TNS3: variants seen among roughly 807,000 people sequenced by gnomAD.
The protein encoded by TNS3 is tensin 3.
A neutral mutation model predicts 140.9 loss-of-function variants in TNS3; 45 were observed. That is an observed-to-expected ratio of 0.32 (90% CI 0.25 to 0.41). The LOEUF is 0.41. TNS3 is among the 10% of genes least tolerant of loss of function. The pLI is 1.00. For missense variants in TNS3, 1,716 were observed against 1,906.7 expected (o/e 0.90, Z 1.86); for synonymous variants, 815 against 788.4 (o/e 1.03, Z -0.56).
intron 20 of TNS3, among the ~76,000 whole-genome samples, chr7:47,323,218 A>G (rs1402549625): frequency 2.0e-5 from 3 of 152,046 alleles, no homozygotes; most frequent in Non-Finnish European, 4.4e-5. Context: ...TGTTTTCCCT[A>G]TCTTAGTGTC....
At chr7:47,290,388 T>G (rs1785632406) in intron 27 of TNS3, among the ~76,000 whole-genome samples, 1 of 152,178 alleles carries the variant, frequency 6.6e-6, no homozygotes, top group Non-Finnish European at 1.5e-5. Context: ...TAAAAACTTC[T>G]GCTCTGTAGA....
intron 20 of TNS3, among the ~76,000 whole-genome samples, chr7:47,324,491 C>T (rs1787919804): frequency 6.6e-6 from 1 of 152,218 alleles, no homozygotes; most frequent in African/African-American, 2.4e-5. Context: ...GTGGCTCACG[C>T]CTGTAATCCC....
At chr7:47,526,525 C>A (rs1799198072) in intron 2 of TNS3, among the ~76,000 whole-genome samples, 1 of 152,230 alleles carries the variant, frequency 6.6e-6, no homozygotes, top group South Asian at 2.1e-4. Context: ...AAGTCCTAGA[C>A]CCAGAGTGAG....
chr7:47,370,636 G>A (rs1791010449), intron 16 of TNS3, among the ~76,000 whole-genome samples: 1 of 152,232 alleles, frequency 6.6e-6, no homozygotes, highest in Admixed American at 6.5e-5. Flanking sequence ...TCCTTACCAA[G>A]AGCCTCCTAA....
intron 2 of TNS3, among the ~76,000 whole-genome samples, 178 bp downstream of exon 2, chr7:47,528,858 C>G (rs1354293712): frequency 1.3e-5 from 2 of 152,126 alleles, no homozygotes. Flanking sequence ...GAGCACTTAT[C>G]TATGTAAATA....
chr7:47,445,696 G>T (rs370040921), intron 4 of TNS3, among the ~76,000 whole-genome samples: 1 of 152,140 alleles, frequency 6.6e-6, no homozygotes, highest in Non-Finnish European at 1.5e-5. Flanking sequence ...GAACCAAGTA[G>T]AGGACATGCC....
chr7:47,516,111 G>C (rs1190610810), intron 2 of TNS3, among the ~76,000 whole-genome samples: 1 of 152,164 alleles, frequency 6.6e-6, no homozygotes. Context: ...GTACACAAAG[G>C]GATCAAAATG....
At chr7:47,292,954 T>C (rs1785794365) in intron 25 of TNS3, 49 bp from the exon 26 acceptor site, 5 of 1,557,146 alleles carry the variant, frequency 3.2e-6, no homozygotes, top group Admixed American at 1.7e-5. Flanking sequence ...GCTGTAGATG[T>C]TGTGTGCTCA....
intron 16 of TNS3, among the ~76,000 whole-genome samples, chr7:47,387,303 C>G (rs998951311): frequency 7.2e-5 from 11 of 152,220 alleles, no homozygotes; most frequent in African/African-American, 2.7e-4. Flanking sequence ...GGGGCTGCTC[C>G]TTAAGAACCA....
At chr7:47,327,170 C>T (rs1788070473) in intron 20 of TNS3, among the ~76,000 whole-genome samples, 1 of 152,240 alleles carries the variant, frequency 6.6e-6, no homozygotes, top group African/African-American at 2.4e-5. Flanking sequence ...CCAGTTCAGA[C>T]ATTTGGGAGG....
chr7:47,532,079 C>T (rs1799427363), intron 1 of TNS3, among the ~76,000 whole-genome samples: 1 of 152,150 alleles, frequency 6.6e-6, no homozygotes, highest in African/African-American at 2.4e-5. Context: ...CCCCGCCCAC[C>T]ATCCCTGCTG....
chr7:47,489,211 G>A (rs1797723025), intron 3 of TNS3, among the ~76,000 whole-genome samples: 1 of 152,056 alleles, frequency 6.6e-6, no homozygotes, highest in Non-Finnish European at 1.5e-5. Context: ...CTGAGAACCG[G>A]GACAGGAGCG....
intron 20 of TNS3, among the ~76,000 whole-genome samples, chr7:47,326,214 CCA>C (rs1052286056): frequency 4.6e-5 from 7 of 152,198 alleles, no homozygotes; most frequent in African/African-American, 2.4e-5. Context: ...CTCTGCTAAC[CCA>C]CACATAGGTG....
At chr7:47,477,069 AC>A (rs1797224497) in intron 4 of TNS3, among the ~76,000 whole-genome samples, 1 of 152,172 alleles carries the variant, frequency 6.6e-6, no homozygotes, top group African/African-American at 2.4e-5. Context: ...CCACAAAGGC[AC>A]CCTATGCCTG....
chr7:47,285,580 C>T lies in TNS3; in HGVS notation c.3929-1715G>A, dbSNP rs534479982. ...CATGTGAAACTGTGAGTCCATTAAACCTCTTCTTCTTTATAAATTACCCAG... is the reference window on the plus strand; with the variant it reads ...CATGTGAAACTGTGAGTCCATTAAATCTCTTCTTCTTTATAAATTACCCAG... On this transcript the variant is annotated intron_variant, in intron 27 of 30. Transcript: ENST00000311160. Among the ~76,000 whole-genome samples, 3 of 152,334 alleles carry T rather than the reference C, an allele frequency of 2.0e-5. No homozygotes were observed. The South Asian group carries it at 6.2e-4, about 32-fold the overall frequency.
chr7:47,367,585 C>A (rs1272794784), intron 17 of TNS3, among the ~76,000 whole-genome samples: 1 of 152,216 alleles, frequency 6.6e-6, no homozygotes, highest in Non-Finnish European at 1.5e-5. Flanking sequence ...CATGTGCAGT[C>A]CTGGCCTCCC....
intron 8 of TNS3, among the ~76,000 whole-genome samples, chr7:47,431,922 C>A (rs1426887881): frequency 6.6e-6 from 1 of 152,052 alleles, no homozygotes. Context: ...TAACCTGGAA[C>A]AAACTCATAA....
chr7:47,369,663 G>A (rs1238765309), intron 16 of TNS3, 42 bp from the exon 17 acceptor site: 1 of 1,518,648 alleles, frequency 6.6e-7, no homozygotes, highest in Non-Finnish European at 8.8e-7. Flanking sequence ...AGTCAGGGAT[G>A]AAAGTGAGCC....
At chr7:47,459,193 T>C (rs942245870) in intron 4 of TNS3, among the ~76,000 whole-genome samples, 2 of 152,204 alleles carry the variant, frequency 1.3e-5, no homozygotes, top group African/African-American at 2.4e-5. Flanking sequence ...CATTCTATAG[T>C]TTAAAATGTT....
Sources: gnomAD v4.1 joint callset for allele counts (sites outside exome capture counted in the v4.1 genomes callset) on GRCh38, gnomAD v4.1.1 for gene constraint, MANE v1.5 for transcripts, NCBI Gene and HGNC (gene_info 2026-07-23, HGNC 2026-07-21) for gene names.